CCDC178: variants seen among roughly 807,000 people sequenced by gnomAD.
CCDC178 encodes the protein coiled-coil domain containing 178, also known as coiled-coil domain-containing protein 178.
Under a neutral mutation model 117.4 loss-of-function variants are expected in CCDC178, and 126 were observed. The ratio of observed to expected loss-of-function variants is 1.07; its 90% CI spans 0.93 to 1.24. CCDC178 has a LOEUF of 1.24. Ranked by LOEUF, CCDC178 falls within the 50% of genes most tolerant of loss-of-function variation. The probability of loss-of-function intolerance (pLI) is 0.00; values close to 1 mark genes in which losing one functional copy is unlikely to be tolerated. For missense variants in CCDC178, 1,030 were observed against 986.9 expected, an observed-to-expected ratio of 1.04 and a Z score of -0.59; for synonymous variants, 283 against 313.4, an observed-to-expected ratio of 0.90 and a Z score of 1.02.
chr18:33,211,086 TATC>T (rs1316967476), intron 20 of CCDC178, among the ~76,000 whole-genome samples: 1 of 151,684 alleles, frequency 6.6e-6, no homozygotes, highest in Non-Finnish European at 1.5e-5. Context: ...AATATATAAA[TATC>T]ATATTTGAAT....
intron 15 of CCDC178, among the ~76,000 whole-genome samples, chr18:33,227,526 ATATG>A (rs1468474449): frequency 2.2e-4 from 28 of 125,656 alleles, no homozygotes; most frequent in Non-Finnish European, 4.2e-4. Flanking sequence ...TTCAAAAGAT[ATATG>A]TATGTGTGTG....
At chr18:33,392,757 G>A (rs974441137) in intron 4 of CCDC178, among the ~76,000 whole-genome samples, 18 of 152,142 alleles carry the variant, frequency 1.2e-4, no homozygotes, top group African/African-American at 4.3e-4. Context: ...AGTTACTCCA[G>A]AGACTGAGGC....
rs201100299 is a variant in CCDC178 at position 33,212,086 on chromosome 18, T to C, written c.2079-31A>G. On this transcript the variant is annotated intron_variant, in intron 19 of 22. Transcript: ENST00000383096. ...AAGAAAGAATTCCATGTGCCACTAA[T>C]CAATTCACATTTTATTTTTCAAAAT... 6.1e-6 allele frequency: 9 copies of C among 1,482,532 alleles called. No individual in the cohort carries two copies. The African/African-American group carries it at 1.2e-4, about 19-fold the overall frequency. The allele number at this position is 1,482,532 out of a possible 1,614,324, so 91.8% of individuals were successfully genotyped here.
At chr18:33,113,787 T>C (rs1426753355) in intron 20 of CCDC178, among the ~76,000 whole-genome samples, 2 of 152,046 alleles carry the variant, frequency 1.3e-5, no homozygotes, top group Admixed American at 1.3e-4. Flanking sequence ...GACACTACTT[T>C]GGCTATGTTA....
At chr18:33,094,877 T>G (rs1313691987) in intron 20 of CCDC178, among the ~76,000 whole-genome samples, 1 of 151,968 alleles carries the variant, frequency 6.6e-6, no homozygotes, top group Non-Finnish European at 1.5e-5. Flanking sequence ...GAAGGATGTA[T>G]CAATTCACTA....
At chr18:32,973,841 A>G (rs913869444) in intron 22 of CCDC178, among the ~76,000 whole-genome samples, 4 of 152,128 alleles carry the variant, frequency 2.6e-5, no homozygotes, top group Non-Finnish European at 4.4e-5. Context: ...AGAACAAGGT[A>G]GTATGTGTTT....
At chr18:33,122,315 A>G (rs1598905697) in intron 20 of CCDC178, among the ~76,000 whole-genome samples, 2 of 152,140 alleles carry the variant, frequency 1.3e-5, no homozygotes, top group Non-Finnish European at 2.9e-5. Flanking sequence ...GAAATGCTTC[A>G]TATTGATTAA....
At chr18:32,967,387 G>C (rs1598739916) in intron 22 of CCDC178, among the ~76,000 whole-genome samples, 2 of 151,394 alleles carry the variant, frequency 1.3e-5, no homozygotes, top group African/African-American at 4.8e-5. Flanking sequence ...GTTCAGGATT[G>C]ATGTCTTAGA....
At chr18:33,216,092 T>C (rs558410848) in intron 18 of CCDC178, among the ~76,000 whole-genome samples, 9 of 152,118 alleles carry the variant, frequency 5.9e-5, no homozygotes, top group African/African-American at 2.2e-4. Context: ...AGTGAGACCC[T>C]GTCTCTAAAA....
intron 12 of CCDC178, among the ~76,000 whole-genome samples, chr18:33,274,344 G>A (rs1393515858): frequency 1.3e-5 from 2 of 151,780 alleles, no homozygotes; most frequent in Admixed American, 6.6e-5. Flanking sequence ...AAAATAGTTC[G>A]GCAGTTCCTC....
chr18:33,091,334 T>TTTTTTTTC (rs2057461393), intron 21 of CCDC178, among the ~76,000 whole-genome samples: 1 of 104,204 alleles, frequency 9.6e-6, no homozygotes. Context: ...CTTTTTTTTT[T>TTTTTTTTC]TTTTTTTTTT....
At chr18:33,313,100 A>G (rs1234344032) in intron 11 of CCDC178, among the ~76,000 whole-genome samples, 1 of 152,256 alleles carries the variant, frequency 6.6e-6, no homozygotes, top group Non-Finnish European at 1.5e-5. Flanking sequence ...TTGTTGCTCT[A>G]GCCCATGCAT....
chr18:32,991,255 T>C (rs2055384910), intron 21 of CCDC178, among the ~76,000 whole-genome samples: 1 of 152,210 alleles, frequency 6.6e-6, no homozygotes, highest in Non-Finnish European at 1.5e-5. Flanking sequence ...TTGCACTTGA[T>C]AAATGTTTGC....
rs541240562 is a variant in CCDC178, at chr18:33,037,249, G to C, written c.2388+55512C>G. Among the ~76,000 whole-genome samples the C allele has an allele frequency of 2.0e-5, 3 of 151,984 alleles. No homozygotes were observed. The South Asian group carries it at 6.2e-4, about 32-fold the overall frequency. On this transcript the variant is annotated intron_variant, in intron 21 of 22. Coordinates refer to ENST00000383096, the MANE Select transcript of CCDC178 (RefSeq NM_001105528.4). ...ATAGACTGTGTTGATTTTTAAATGAGACAAATAGTCCCAGATCTAACACTA... is the reference window on the plus strand; with the variant it reads ...ATAGACTGTGTTGATTTTTAAATGACACAAATAGTCCCAGATCTAACACTA...
intron 21 of CCDC178, among the ~76,000 whole-genome samples, chr18:33,030,885 G>A (rs2056328591): frequency 6.6e-6 from 1 of 152,100 alleles, no homozygotes; most frequent in Non-Finnish European, 1.5e-5. Flanking sequence ...CTGACCACAA[G>A]CTAGGGACTC....
chr18:33,107,737 G>T (rs897114728), intron 20 of CCDC178, among the ~76,000 whole-genome samples: 5 of 151,498 alleles, frequency 3.3e-5, no homozygotes, highest in Admixed American at 6.6e-5. Flanking sequence ...TTTTATGTTT[G>T]TATCATTTCC....
At position 33,430,129 on chromosome 18, in the gene CCDC178, C is replaced by T. The variant is rs566109325; in HGVS notation, c.-23+9833G>A. 5.3e-5 allele frequency among the ~76,000 whole-genome samples: 8 copies of T among 152,150 alleles called. No homozygotes were observed. In the East Asian group the frequency reaches 1.5e-3, roughly 29 times the overall value. ...CTACAAAAAAAATACTTTTGTTGTT[C>T]TAAAATCAAAAAATTGCCACAAAAA... On this transcript the variant is annotated intron_variant, in intron 2 of 22. Transcript: ENST00000383096.
chr18:32,985,701 A>C (rs1276618463), intron 21 of CCDC178, among the ~76,000 whole-genome samples: 3 of 152,068 alleles, frequency 2.0e-5, no homozygotes, highest in African/African-American at 7.2e-5. Flanking sequence ...ATCTAAAAAG[A>C]ATATAAATAG....
chr18:33,242,389 C>CA (rs2059498420), intron 15 of CCDC178, among the ~76,000 whole-genome samples: 1 of 151,512 alleles, frequency 6.6e-6, no homozygotes, highest in Non-Finnish European at 1.5e-5. Context: ...GCAACAAAAA[C>CA]AAAAATAAAC....
Sources: gnomAD v4.1 joint callset for allele counts (sites outside exome capture counted in the v4.1 genomes callset) on GRCh38, gnomAD v4.1.1 for gene constraint, MANE v1.5 for transcripts, NCBI Gene and HGNC (gene_info 2026-07-23, HGNC 2026-07-21) for gene names.